Variants in CDH20 observed in about 807,000 individuals in gnomAD.
The protein encoded by CDH20 is cadherin 20, also known as cadherin-20.
A neutral mutation model predicts 74.2 loss-of-function variants in CDH20; 29 were observed. That is an observed-to-expected ratio of 0.39 (90% CI 0.29 to 0.53). CDH20 has a LOEUF of 0.53. CDH20 is among the 20% of genes least tolerant of loss of function. The pLI, the probability that CDH20 is intolerant of heterozygous loss-of-function variation, is 0.69. For synonymous variants in CDH20, 469 were observed against 405.4 expected, an observed-to-expected ratio of 1.16 and a Z score of -1.88; for missense variants, 988 against 1,048.3, an observed-to-expected ratio of 0.94 and a Z score of 0.79.
At chr18:61,509,329 A>C (rs1911696697) in intron 6 of CDH20, among the ~76,000 whole-genome samples, 1 of 152,230 alleles carries the variant, frequency 6.6e-6, no homozygotes, top group African/African-American at 2.4e-5. Flanking sequence ...TGAGTTAAGC[A>C]GGTTGACAGT....
intron 2 of CDH20, 27 bp from the exon 3 acceptor site, chr18:61,499,159 T>C (rs1188115032): frequency 1.3e-6 from 2 of 1,489,780 alleles, no homozygotes; most frequent in South Asian, 1.4e-5. Context: ...ACATTCATGA[T>C]GAGAATTAGG....
In CDH20 at chr18:61,490,419, G is replaced by A; in HGVS notation, c.-135G>A. 1.2e-6 allele frequency: 1 copy of A among 834,540 alleles called. No individual in the cohort carries two copies. 51.7% of individuals were successfully genotyped at this position (834,540 alleles called of 1,614,324 possible). A position where few individuals can be genotyped will look rare whatever the true frequency, so the allele number is the denominator to read the frequency against. ...CTTGACAGGAAGTCAACTTCAAGCA[G>A]ATTGACTTGAAACGGGATCTCATTT... On this transcript the variant is annotated 5_prime_UTR_variant, in exon 2 of 12. Coordinates refer to ENST00000262717, the MANE Select transcript of CDH20 (RefSeq NM_031891.4).
chr18:61,539,751 T>G (rs933093807), intron 9 of CDH20, among the ~76,000 whole-genome samples: 2 of 152,190 alleles, frequency 1.3e-5, no homozygotes, highest in Admixed American at 6.5e-5. Flanking sequence ...TGGCAAGAAG[T>G]ACCTTATTTA....
intron 1 of CDH20, among the ~76,000 whole-genome samples, chr18:61,349,539 G>A (rs1275906292): frequency 6.6e-6 from 1 of 152,110 alleles, no homozygotes; most frequent in East Asian, 1.9e-4. Flanking sequence ...CCTTTTCACT[G>A]TTGTTGGCAT....
intron 1 of CDH20, among the ~76,000 whole-genome samples, chr18:61,390,613 G>A (rs905163534): frequency 3.9e-5 from 6 of 152,166 alleles, no homozygotes; most frequent in Admixed American, 6.6e-5. Flanking sequence ...TTAAAACAGC[G>A]TGAATCTGGC....
At chr18:61,416,623 G>A (rs374565314) in intron 1 of CDH20, among the ~76,000 whole-genome samples, 16 of 152,330 alleles carry the variant, frequency 1.1e-4, no homozygotes, top group Admixed American at 2.6e-4. Flanking sequence ...GAAAGTGTGC[G>A]TGCCCTAGAT....
rs78444734 is a variant in CDH20, at chr18:61,344,083, C to G, written c.-153+10256C>G. 9.0e-3 allele frequency among the ~76,000 whole-genome samples: 1,377 copies of G among 152,230 alleles called. 20 individuals carry two copies. The highest frequency in any genetic ancestry group is 0.032 in the African/African-American group (1,320 of 41,526). ...TCTTTCTTAGAGGCTATTGGTTGAC[C>G]TTGTAAACTACTCTGTGTAATTTTG... On this transcript the variant is annotated intron_variant, in intron 1 of 11. Coordinates refer to ENST00000262717, the MANE Select transcript of CDH20 (RefSeq NM_031891.4).
At chr18:61,473,890 T>G (rs773568067) in intron 1 of CDH20, among the ~76,000 whole-genome samples, 4 of 152,252 alleles carry the variant, frequency 2.6e-5, no homozygotes, top group Non-Finnish European at 5.9e-5. Context: ...GAATCAAGCA[T>G]CATCATCAAT....
intron 9 of CDH20, among the ~76,000 whole-genome samples, chr18:61,540,493 G>A (rs1912992328): frequency 6.6e-6 from 1 of 152,162 alleles, no homozygotes; most frequent in African/African-American, 2.4e-5. Context: ...ATCTTACATG[G>A]CAGCAGGCAA....
intron 1 of CDH20, among the ~76,000 whole-genome samples, chr18:61,483,467 T>C (rs559233158): frequency 3.9e-5 from 6 of 152,298 alleles, no homozygotes; most frequent in Admixed American, 2.0e-4. Context: ...AAGGATTAAA[T>C]GACAAAGTAA....
intron 1 of CDH20, among the ~76,000 whole-genome samples, chr18:61,354,842 T>C (rs889503384): frequency 6.6e-6 from 1 of 152,232 alleles, no homozygotes; most frequent in African/African-American, 2.4e-5. Flanking sequence ...TTGAGCTACC[T>C]ACACATTTGT....
intron 1 of CDH20, among the ~76,000 whole-genome samples, chr18:61,357,494 T>C (rs1223840368): frequency 2.0e-5 from 3 of 152,184 alleles, no homozygotes; most frequent in Non-Finnish European, 2.9e-5. Flanking sequence ...TATCTGGATT[T>C]TTGCTCTGCT....
intron 1 of CDH20, among the ~76,000 whole-genome samples, chr18:61,381,643 T>C (rs1301678125): frequency 1.3e-5 from 2 of 152,198 alleles, no homozygotes; most frequent in Non-Finnish European, 2.9e-5. Context: ...GGGAGATGGA[T>C]GTTAGAGAGG....
At chr18:61,374,817 A>G (rs796774951) in intron 1 of CDH20, among the ~76,000 whole-genome samples, 1 of 152,076 alleles carries the variant, frequency 6.6e-6, no homozygotes, top group South Asian at 2.1e-4. Context: ...GTCTTAGAGC[A>G]TTTTGTAAAG....
chr18:61,528,412 T>G (rs765530173), intron 7 of CDH20, among the ~76,000 whole-genome samples, 192 bp downstream of exon 7: 1 of 149,788 alleles, frequency 6.7e-6, no homozygotes, highest in Non-Finnish European at 1.5e-5. Context: ...TTTAGAAGTG[T>G]CATTATATTT....
intron 1 of CDH20, among the ~76,000 whole-genome samples, chr18:61,406,228 A>C (rs111436837): frequency 9.4e-4 from 143 of 152,258 alleles, no homozygotes; most frequent in African/African-American, 3.2e-3. Flanking sequence ...TCCTCAATAT[A>C]ATTATTTTAT....
At chr18:61,352,194 G>A (rs2144114403) in intron 1 of CDH20, among the ~76,000 whole-genome samples, 1 of 152,270 alleles carries the variant, frequency 6.6e-6, no homozygotes, top group Middle Eastern at 3.4e-3. Flanking sequence ...TGGATAAACA[G>A]GCCTCTGTCT....
intron 6 of CDH20, among the ~76,000 whole-genome samples, chr18:61,510,980 C>CTTTTTTTT (rs112741210): frequency 5.2e-4 from 70 of 135,896 alleles, no homozygotes; most frequent in Admixed American, 7.6e-4. Context: ...TTCTTTCTTT[C>CTTTTTTTT]TTTTTTTTTT....
At chr18:61,404,191 C>T (rs761070576) in intron 1 of CDH20, among the ~76,000 whole-genome samples, 4 of 152,090 alleles carry the variant, frequency 2.6e-5, no homozygotes, top group African/African-American at 2.4e-5. Context: ...CAAACCTGCA[C>T]GTCCTGCACA....
Sources: allele counts gnomAD v4.1 joint callset (sites outside exome capture counted in the v4.1 genomes callset), GRCh38; gene constraint gnomAD v4.1.1; transcripts MANE v1.5; gene names NCBI Gene and HGNC (gene_info 2026-07-23, HGNC 2026-07-21).